CSRNP3: variants seen among roughly 807,000 people sequenced by gnomAD.
CSRNP3 encodes cysteine/serine-rich nuclear protein 3.
CSRNP3 carries 12 observed loss-of-function variants against 48.0 expected under a neutral mutation model. That is an observed-to-expected ratio of 0.25 (90% CI 0.16 to 0.41). CSRNP3 has a LOEUF of 0.41. Ranked by LOEUF, CSRNP3 falls within the 10% of genes least tolerant of loss-of-function variation. The probability of loss-of-function intolerance (pLI) is 1.00; values close to 1 mark genes in which losing one functional copy is unlikely to be tolerated. For synonymous variants in CSRNP3, 263 were observed against 269.7 expected, an observed-to-expected ratio of 0.98 and a Z score of 0.24; for missense variants, 580 against 724.4, an observed-to-expected ratio of 0.80 and a Z score of 2.29.
Position 165,638,289 on chromosome 2 carries a change from C to A in CSRNP3, c.149-19472C>A, listed in dbSNP as rs541914094. 1.4e-4 allele frequency among the ~76,000 whole-genome samples: 22 copies of A among 152,212 alleles called. No individual in the cohort carries two copies. The East Asian group carries it at 3.9e-3, about 27-fold the overall frequency. ...CCAGCCTGACCAACATGGTGAAACC[C>A]CGTCCCTACTAAAAATACAAAATAA... On this transcript the variant is annotated intron_variant, in intron 4 of 6. Transcript: ENST00000651982.
chr2:165,499,311 A>G (rs371192419), intron 2 of CSRNP3, among the ~76,000 whole-genome samples: 106 of 152,294 alleles, frequency 7.0e-4, no homozygotes, highest in African/African-American at 2.3e-3. Flanking sequence ...TTTGAAATTC[A>G]CTTTGCAGAT....
At chr2:165,663,360 A>G (rs1687128489) in intron 5 of CSRNP3, among the ~76,000 whole-genome samples, 1 of 152,218 alleles carries the variant, frequency 6.6e-6, no homozygotes, top group Non-Finnish European at 1.5e-5. Context: ...ATGCCACAGC[A>G]TACTTAGTGT....
chr2:165,600,735 T>C (rs1685901097), intron 4 of CSRNP3, among the ~76,000 whole-genome samples: 1 of 152,252 alleles, frequency 6.6e-6, no homozygotes, highest in Non-Finnish European at 1.5e-5. Context: ...ATGTCTTCTT[T>C]TGAGAAGTGT....
intron 5 of CSRNP3, among the ~76,000 whole-genome samples, chr2:165,660,020 T>A (rs1687070040): frequency 6.6e-6 from 1 of 152,196 alleles, no homozygotes; most frequent in African/African-American, 2.4e-5. Flanking sequence ...AAAAGTTTTG[T>A]CAGTAGCAAT....
chr2:165,492,934 TAAA>T (rs374777311), intron 1 of CSRNP3, among the ~76,000 whole-genome samples: 4 of 90,734 alleles, frequency 4.4e-5, no homozygotes, highest in Non-Finnish European at 6.9e-5. Context: ...TCAAATTCCC[TAAA>T]AAAAAAAAAA....
rs114247486 is a variant in CSRNP3 at position 165,513,377 on chromosome 2, C to T, written c.-112-4496C>T. 7.4e-3 allele frequency among the ~76,000 whole-genome samples: 1,131 copies of T among 152,164 alleles called. 16 individuals carry two copies. The highest frequency in any genetic ancestry group is 0.025 in the African/African-American group (1,057 of 41,504). On this transcript the variant is annotated intron_variant, in intron 2 of 6. Coordinates refer to ENST00000651982, the MANE Select transcript of CSRNP3 (RefSeq NM_001172173.2). ...TTCATAGACCATCATTCCCTTTTGA[C>T]GTATTTGGGTTGTGATGTGTGCCAG...
chr2:165,564,904 A>G (rs16850912), intron 3 of CSRNP3, among the ~76,000 whole-genome samples: 38,946 of 151,906 alleles, frequency 0.26, 5,224 homozygotes, highest in African/African-American at 0.32. Flanking sequence ...CAGTGGCCAT[A>G]GAATATAGTA....
intron 3 of CSRNP3, among the ~76,000 whole-genome samples, chr2:165,529,310 C>T (rs897892921): frequency 1.3e-5 from 2 of 152,060 alleles, no homozygotes; most frequent in Non-Finnish European, 2.9e-5. Context: ...CCAAAGGGAC[C>T]CTGTGGGAGT....
chr2:165,664,854 C>A (rs1315295151), intron 5 of CSRNP3, among the ~76,000 whole-genome samples: 1 of 152,008 alleles, frequency 6.6e-6, no homozygotes, highest in African/African-American at 2.4e-5. Flanking sequence ...AACAAACAAA[C>A]AATAAATAAG....
chr2:165,533,912 A>T (rs1684848973), intron 3 of CSRNP3, among the ~76,000 whole-genome samples: 1 of 152,026 alleles, frequency 6.6e-6, no homozygotes, highest in Non-Finnish European at 1.5e-5. Context: ...AATATAAGAC[A>T]ATAAATGTTA....
chr2:165,618,089 C>T (rs1266935335), intron 4 of CSRNP3, among the ~76,000 whole-genome samples: 3 of 152,314 alleles, frequency 2.0e-5, no homozygotes, highest in Admixed American at 6.5e-5. Context: ...CTCTCTAGAA[C>T]AGTGTAGTAA....
At chr2:165,514,407 C>T (rs1684547506) in intron 2 of CSRNP3, among the ~76,000 whole-genome samples, 1 of 152,224 alleles carries the variant, frequency 6.6e-6, no homozygotes, top group Non-Finnish European at 1.5e-5. Flanking sequence ...AGAGTAGCTG[C>T]CCCTTAATCT....
intron 4 of CSRNP3, among the ~76,000 whole-genome samples, chr2:165,611,283 G>C (rs1558949974): frequency 6.6e-6 from 1 of 152,010 alleles, no homozygotes. Context: ...GCAAGTGAGG[G>C]ATAAATGAGA....
chr2:165,495,117 G>A (rs935651960), intron 2 of CSRNP3, among the ~76,000 whole-genome samples, 189 bp downstream of exon 2: 2 of 152,014 alleles, frequency 1.3e-5, no homozygotes, highest in Admixed American at 6.6e-5. Flanking sequence ...TTTCTATGGA[G>A]TGAGTATGTA....
chr2:165,482,104 T>A (rs1462717741), intron 1 of CSRNP3, among the ~76,000 whole-genome samples: 3 of 151,858 alleles, frequency 2.0e-5, no homozygotes, highest in Non-Finnish European at 4.4e-5. Flanking sequence ...AAAAATAAAA[T>A]AAAATAGCTA....
intron 3 of CSRNP3, among the ~76,000 whole-genome samples, chr2:165,580,413 C>T (rs1008308246): frequency 3.6e-4 from 55 of 152,248 alleles, no homozygotes; most frequent in Non-Finnish European, 4.0e-4. Context: ...TGTTGCCTGT[C>T]CCTGCCTTAA....
At chr2:165,648,052 A>C (rs991360943) in intron 4 of CSRNP3, among the ~76,000 whole-genome samples, 1 of 152,190 alleles carries the variant, frequency 6.6e-6, no homozygotes, top group Non-Finnish European at 1.5e-5. Flanking sequence ...GCCTATATTT[A>C]GCAAAACATT....
At chr2:165,519,802 C>G (rs1165557342) in intron 3 of CSRNP3, among the ~76,000 whole-genome samples, 2 of 151,818 alleles carry the variant, frequency 1.3e-5, no homozygotes, top group Non-Finnish European at 2.9e-5. Flanking sequence ...TTAATTATGT[C>G]TTATGTTTGA....
intron 4 of CSRNP3, among the ~76,000 whole-genome samples, chr2:165,647,530 G>A (rs1446528487): frequency 6.6e-6 from 1 of 152,120 alleles, no homozygotes; most frequent in African/African-American, 2.4e-5. Flanking sequence ...GAGAGAGAAA[G>A]GAGCTGATAA....
Sources: gnomAD v4.1 joint callset for allele counts (sites outside exome capture counted in the v4.1 genomes callset) on GRCh38, gnomAD v4.1.1 for gene constraint, MANE v1.5 for transcripts, NCBI Gene and HGNC (gene_info 2026-07-23, HGNC 2026-07-21) for gene names.